Variants in ZZEF1 observed in about 807,000 individuals in gnomAD.
ZZEF1 encodes the protein zinc finger ZZ-type and EF-hand domain-containing protein 1.
In ZZEF1, 157 loss-of-function variants were observed where a neutral mutation model predicts 342.8. The ratio of observed to expected loss-of-function variants is 0.46; its 90% CI spans 0.40 to 0.52. The LOEUF is 0.52. Among genes scored for constraint, ZZEF1 ranks in the 20% least tolerant of loss-of-function variants. The pLI is 0.00. For missense variants in ZZEF1, 3,480 were observed against 3,725.6 expected (o/e 0.93, Z 1.72); for synonymous variants, 1,505 against 1,429.1 (o/e 1.05, Z -1.20).
chr17:4,086,749 C>G, intron 14 of ZZEF1, 94 bp from the exon 15 acceptor site: 1 of 1,285,638 alleles, frequency 7.8e-7, no homozygotes, highest in Non-Finnish European at 1.1e-6. Context: ...TTCCTCTAGG[C>G]ATCAGGCTCG....
chr17:4,141,504 G>C (rs891191381), intron 1 of ZZEF1, among the ~76,000 whole-genome samples: 5 of 152,134 alleles, frequency 3.3e-5, no homozygotes, highest in African/African-American at 1.2e-4. Flanking sequence ...TAGGATCCCA[G>C]GAAGGAGGTA....
At chr17:4,024,877 T>TTA (rs2056367375) in intron 43 of ZZEF1, 42 bp downstream of exon 43, 3 of 1,587,466 alleles carry the variant, frequency 1.9e-6, no homozygotes, top group Admixed American at 3.3e-5. Flanking sequence ...AGATGTCAAA[T>TTA]TATAGCCAGA....
chr17:4,039,544 G>A (rs1220421669), intron 39 of ZZEF1, among the ~76,000 whole-genome samples: 4 of 151,352 alleles, frequency 2.6e-5, no homozygotes, highest in African/African-American at 9.7e-5. Flanking sequence ...CAGAAGCAAA[G>A]CCAAACAATG....
chr17:4,023,555 C>T (rs923803534), intron 43 of ZZEF1, among the ~76,000 whole-genome samples: 1 of 148,872 alleles, frequency 6.7e-6, no homozygotes, highest in Non-Finnish European at 1.5e-5. Context: ...CACCATGGCT[C>T]ATGCCTGTAA....
chr17:4,049,502 C>G (rs2056998583), intron 37 of ZZEF1, among the ~76,000 whole-genome samples: 1 of 152,120 alleles, frequency 6.6e-6, no homozygotes, highest in Non-Finnish European at 1.5e-5. Flanking sequence ...GACAGCGAGA[C>G]CCTGTTTCAA....
intron 17 of ZZEF1, 49 bp downstream of exon 17, chr17:4,082,387 CT>C: frequency 6.3e-7 from 1 of 1,589,804 alleles, no homozygotes; most frequent in East Asian, 2.3e-5. Context: ...AAGAAAACAA[CT>C]TTGCAAAGAT....
intron 9 of ZZEF1, 97 bp from the exon 10 acceptor site, chr17:4,096,797 G>C (rs759870412): frequency 1.3e-5 from 12 of 946,456 alleles, no homozygotes; most frequent in Admixed American, 3.9e-5. Flanking sequence ...TGAGTCATGG[G>C]GGGTAACTGG....
intron 11 of ZZEF1, among the ~76,000 whole-genome samples, chr17:4,094,809 C>A (rs1429778885): frequency 6.6e-6 from 1 of 152,110 alleles, no homozygotes; most frequent in African/African-American, 2.4e-5. Context: ...CATCTCTGCA[C>A]TGCTGCTGCT....
At chr17:4,124,631 T>G (rs2058545215) in intron 1 of ZZEF1, among the ~76,000 whole-genome samples, 1 of 117,028 alleles carries the variant, frequency 8.5e-6, no homozygotes, top group Non-Finnish European at 1.9e-5. Flanking sequence ...TTTTTTTTTG[T>G]ATTTTCAGTA....
At chr17:4,139,306 G>GT (rs1371178646) in intron 1 of ZZEF1, among the ~76,000 whole-genome samples, 1 of 149,354 alleles carries the variant, frequency 6.7e-6, no homozygotes, top group Non-Finnish European at 1.5e-5. Context: ...CAATGGCAGC[G>GT]TAAGTTGGGA....
intron 37 of ZZEF1, among the ~76,000 whole-genome samples, chr17:4,045,153 CA>C (rs970679699): frequency 4.8e-5 from 7 of 145,270 alleles, no homozygotes; most frequent in African/African-American, 1.0e-4. Context: ...GACTCTGTCT[CA>C]AAAAAAAAAT....
In ZZEF1 at chr17:4,017,312, A is replaced by T; in HGVS notation, c.8001+59T>A. The T allele has an allele frequency of 6.5e-7, 1 of 1,536,198 alleles. No individual in the cohort carries two copies. Among genetic ancestry groups the T allele is most frequent in the Non-Finnish European group, 8.8e-7 (1 of 1,141,876 alleles). On this transcript the variant is annotated intron_variant, in intron 48 of 54. Transcript: ENST00000381638. This position sits in a 1 kb window ranked among gnomAD's most constrained non-coding sequence, Gnocchi z 5.1. The stretch of plus-strand genomic sequence containing the variant: ...GCTCCAGGAAGCACTCACTGGAGGA[A>T]GCCTGTGGGGCAGAGGAAGAACCTG...
intron 2 of ZZEF1, among the ~76,000 whole-genome samples, chr17:4,117,636 G>C (rs1437905337): frequency 1.2e-5 from 1 of 83,710 alleles, no homozygotes; most frequent in Non-Finnish European, 2.2e-5. Flanking sequence ...CAACAACAGT[G>C]AAACTCCACC....
intron 39 of ZZEF1, among the ~76,000 whole-genome samples, chr17:4,040,342 A>G (rs2056776972): frequency 6.6e-6 from 1 of 152,252 alleles, no homozygotes; most frequent in Non-Finnish European, 1.5e-5. Context: ...ATCAATCATT[A>G]ATTACCATAT....
chr17:4,064,219 C>T, intron 29 of ZZEF1, 142 bp downstream of exon 29: 1 of 681,166 alleles, frequency 1.5e-6, no homozygotes, highest in East Asian at 3.0e-5. Context: ...AAAATCAAAA[C>T]TTTTCTTGAA....
intron 53 of ZZEF1, chr17:4,009,293 A>T (rs926692887): frequency 1.8e-6 from 1 of 563,488 alleles, no homozygotes; most frequent in East Asian, 3.0e-5. Context: ...AGGGGAGGAA[A>T]AAAAGAGAAG....
chr17:4,123,035 T>C (rs1204791796), intron 2 of ZZEF1, among the ~76,000 whole-genome samples: 1 of 150,706 alleles, frequency 6.6e-6, no homozygotes, highest in Non-Finnish European at 1.5e-5. Flanking sequence ...TTCTCCTGCC[T>C]CAGCCTCCCG....
intron 26 of ZZEF1, among the ~76,000 whole-genome samples, chr17:4,069,415 T>C (rs1440569265): frequency 6.6e-6 from 1 of 152,212 alleles, no homozygotes; most frequent in Non-Finnish European, 1.5e-5. Context: ...TTGAGCAGCT[T>C]TTTAAAGGAG....
At chr17:4,098,662 T>C (rs2058078912) in intron 9 of ZZEF1, among the ~76,000 whole-genome samples, 2 of 152,164 alleles carry the variant, frequency 1.3e-5, no homozygotes, top group South Asian at 4.1e-4. Context: ...ATTCTGCCTA[T>C]CAAAATGACA....
Sources: allele counts gnomAD v4.1 joint callset (sites outside exome capture counted in the v4.1 genomes callset), GRCh38; gene constraint gnomAD v4.1.1; non-coding constraint Gnocchi (gnomAD v3.1); transcripts MANE v1.5; gene names NCBI Gene and HGNC (gene_info 2026-07-23, HGNC 2026-07-21).